Variants in HTR1F observed in about 807,000 individuals in gnomAD.
The protein encoded by HTR1F is 5-hydroxytryptamine receptor 1F.
Under a neutral mutation model 24.0 loss-of-function variants are expected in HTR1F, and 17 were observed. The ratio of observed to expected loss-of-function variants is 0.71; its 90% CI spans 0.48 to 1.06. The LOEUF is 1.06. Among genes scored for constraint, HTR1F ranks in the 50% least tolerant of loss-of-function variants. HTR1F has a pLI of 0.00. For missense variants in HTR1F, 391 were observed against 427.8 expected (o/e 0.91, Z 0.76); for synonymous variants, 186 against 156.8 (o/e 1.19, Z -1.39).
At chr3:87,933,212 T>C (rs538830810) in intron 2 of HTR1F, among the ~76,000 whole-genome samples, 29 of 152,146 alleles carry the variant, frequency 1.9e-4, no homozygotes, top group Non-Finnish European at 4.1e-4. Flanking sequence ...CTCAAAATAA[T>C]AAGAGCTATC....
At chr3:87,933,254 A>G (rs1294383310) in intron 2 of HTR1F, among the ~76,000 whole-genome samples, 7 of 151,666 alleles carry the variant, frequency 4.6e-5, no homozygotes, top group Non-Finnish European at 8.8e-5. Context: ...ATCATACTGA[A>G]TGGGCAAAAA....
At chr3:87,860,658 G>A (rs1224487237) in intron 2 of HTR1F, among the ~76,000 whole-genome samples, 2 of 151,978 alleles carry the variant, frequency 1.3e-5, no homozygotes, top group Admixed American at 1.3e-4. Flanking sequence ...ATTTTATTAA[G>A]GTTGAGGCTT....
intron 2 of HTR1F, among the ~76,000 whole-genome samples, chr3:87,923,224 C>T (rs1704049500): frequency 6.6e-6 from 1 of 151,822 alleles, no homozygotes; most frequent in Non-Finnish European, 1.5e-5. Flanking sequence ...TTCTTTTGCT[C>T]AGGATCCCAT....
At chr3:87,954,832 T>C (rs538585702) in intron 2 of HTR1F, among the ~76,000 whole-genome samples, 36 of 151,734 alleles carry the variant, frequency 2.4e-4, no homozygotes, top group Admixed American at 7.9e-4. Context: ...ACAAACTTTT[T>C]TAAAGTAGTG....
chr3:87,808,942 T>C (rs1430870354), intron 1 of HTR1F, among the ~76,000 whole-genome samples: 5 of 151,858 alleles, frequency 3.3e-5, no homozygotes, highest in Non-Finnish European at 7.4e-5. Flanking sequence ...TCTAGTTTTA[T>C]TGTAGTCTGA....
chr3:87,939,450 TA>T (rs1053712858), intron 2 of HTR1F, among the ~76,000 whole-genome samples: 1 of 152,184 alleles, frequency 6.6e-6, no homozygotes, highest in Non-Finnish European at 1.5e-5. Context: ...GAAGGAATGG[TA>T]CCAGCTCCTC....
intron 2 of HTR1F, among the ~76,000 whole-genome samples, chr3:87,981,834 G>C (rs1705550265): frequency 6.6e-6 from 1 of 152,222 alleles, no homozygotes; most frequent in East Asian, 1.9e-4. Context: ...TCTCAAGTGT[G>C]GCAGACTAAC....
At chr3:87,896,106 C>T (rs1230429608) in intron 2 of HTR1F, among the ~76,000 whole-genome samples, 2 of 152,178 alleles carry the variant, frequency 1.3e-5, no homozygotes, top group African/African-American at 4.8e-5. Context: ...CTAGGGACAA[C>T]AGATGGCCTT....
chr3:87,837,651 T>C (rs1704708529), intron 2 of HTR1F, among the ~76,000 whole-genome samples: 1 of 152,064 alleles, frequency 6.6e-6, no homozygotes, highest in African/African-American at 2.4e-5. Flanking sequence ...TAGATGAATA[T>C]ACAGAATTCT....
At chr3:87,843,856 C>T (rs1274217696) in intron 2 of HTR1F, among the ~76,000 whole-genome samples, 10 of 151,854 alleles carry the variant, frequency 6.6e-5, no homozygotes, top group Middle Eastern at 6.8e-3. Context: ...AGGACATGAA[C>T]GCATCATTTT....
chr3:87,801,840 A>T (rs1703994409), intron 1 of HTR1F, among the ~76,000 whole-genome samples: 1 of 152,196 alleles, frequency 6.6e-6, no homozygotes, highest in Non-Finnish European at 1.5e-5. Context: ...AAAGAAGTAT[A>T]TACATTAAAA....
intron 2 of HTR1F, among the ~76,000 whole-genome samples, chr3:87,938,408 T>C (rs1480701329): frequency 7.9e-5 from 12 of 152,176 alleles, no homozygotes; most frequent in Admixed American, 7.2e-4. Flanking sequence ...AATCTACCAA[T>C]GACATTCTTC....
intron 2 of HTR1F, among the ~76,000 whole-genome samples, chr3:87,951,084 C>G (rs1034672645): frequency 3.3e-5 from 5 of 152,052 alleles, no homozygotes; most frequent in African/African-American, 4.8e-5. Flanking sequence ...TTTCCCCATC[C>G]AACAGGCAAC....
chr3:87,816,188 T>A (rs369355538), intron 1 of HTR1F, among the ~76,000 whole-genome samples: 1 of 152,204 alleles, frequency 6.6e-6, no homozygotes, highest in East Asian at 1.9e-4. Context: ...AACCTCCAAA[T>A]TGATAAATCC....
chr3:87,867,475 G>A (rs1470500586), intron 2 of HTR1F, among the ~76,000 whole-genome samples: 1 of 151,546 alleles, frequency 6.6e-6, no homozygotes, highest in Non-Finnish European at 1.5e-5. Flanking sequence ...TCAAGCATGG[G>A]ACAAAAACTT....
intron 2 of HTR1F, among the ~76,000 whole-genome samples, chr3:87,858,819 T>C (rs1347170646): frequency 2.0e-5 from 3 of 152,284 alleles, no homozygotes; most frequent in Admixed American, 6.5e-5. Context: ...TTGTTTCTAG[T>C]TCCTTTACAA....
chr3:87,818,762 G>A (rs1224087066), intron 1 of HTR1F, among the ~76,000 whole-genome samples: 1 of 152,076 alleles, frequency 6.6e-6, no homozygotes, highest in African/African-American at 2.4e-5. Context: ...AATTTATGAA[G>A]GCACTCACTC....
At chr3:87,928,949 T>G (rs889951829) in intron 2 of HTR1F, among the ~76,000 whole-genome samples, 2 of 152,204 alleles carry the variant, frequency 1.3e-5, no homozygotes, top group Non-Finnish European at 2.9e-5. Flanking sequence ...CAACTGGTGA[T>G]AATGTGATAA....
chr3:87,955,694 C>T (rs1704928407), intron 2 of HTR1F, among the ~76,000 whole-genome samples: 1 of 151,490 alleles, frequency 6.6e-6, no homozygotes, highest in Non-Finnish European at 1.5e-5. Context: ...CTCCATATTT[C>T]CACCAATGTA....
Sources: allele counts gnomAD v4.1 joint callset (sites outside exome capture counted in the v4.1 genomes callset), GRCh38; gene constraint gnomAD v4.1.1; transcripts MANE v1.5; gene names NCBI Gene and HGNC (gene_info 2026-07-23, HGNC 2026-07-21).